ARHGAP28: variants seen among roughly 807,000 people sequenced by gnomAD.
ARHGAP28 encodes the protein Rho GTPase activating protein 28, also known as rho GTPase-activating protein 28.
In ARHGAP28, 56 loss-of-function variants were observed where a neutral mutation model predicts 90.7. The ratio of observed to expected loss-of-function variants is 0.62; its 90% CI spans 0.50 to 0.77. The LOEUF is 0.77. ARHGAP28 is among the 30% of genes least tolerant of loss of function. The pLI is 0.00. For missense variants in ARHGAP28, 869 were observed against 900.9 expected, an observed-to-expected ratio of 0.96 and a Z score of 0.45; for synonymous variants, 308 against 323.3, an observed-to-expected ratio of 0.95 and a Z score of 0.51.
intron 1 of ARHGAP28, among the ~76,000 whole-genome samples, chr18:6,772,863 C>G (rs1242308682): frequency 6.6e-6 from 1 of 152,092 alleles, no homozygotes; most frequent in East Asian, 1.9e-4. Flanking sequence ...GCCTCAGCCT[C>G]CCGAGTAGCT....
At chr18:6,872,590 T>C (rs2057098773) in intron 7 of ARHGAP28, among the ~76,000 whole-genome samples, 1 of 152,132 alleles carries the variant, frequency 6.6e-6, no homozygotes, top group Admixed American at 6.5e-5. Context: ...ACTTCAGCAT[T>C]TTTTTTCAAT....
intron 5 of ARHGAP28, among the ~76,000 whole-genome samples, chr18:6,863,665 A>G (rs1371637581): frequency 4.0e-5 from 6 of 151,708 alleles, no homozygotes; most frequent in Non-Finnish European, 7.4e-5. Context: ...GAACTATGAT[A>G]TAAACATATA....
chr18:6,816,956 G>T (rs1405615569), intron 1 of ARHGAP28, among the ~76,000 whole-genome samples: 1 of 151,956 alleles, frequency 6.6e-6, no homozygotes, highest in African/African-American at 2.4e-5. Flanking sequence ...CAGGTGTGGT[G>T]GTGCACACCT....
chr18:6,804,615 T>G (rs2056505365), intron 1 of ARHGAP28, among the ~76,000 whole-genome samples: 1 of 152,236 alleles, frequency 6.6e-6, no homozygotes, highest in African/African-American at 2.4e-5. Flanking sequence ...ATGGTACATT[T>G]TTAATACTTT....
At chr18:6,869,218 TAACAAGGG>T (rs1210437303) in intron 6 of ARHGAP28, among the ~76,000 whole-genome samples, 1 of 151,146 alleles carries the variant, frequency 6.6e-6, no homozygotes, top group Non-Finnish European at 1.5e-5. Flanking sequence ...AGCCCCTGTA[TAACAAGGG>T]AGCATCATAG....
At chr18:6,744,846 CTTTAT>C (rs1279325388) in intron 1 of ARHGAP28, among the ~76,000 whole-genome samples, 1 of 152,012 alleles carries the variant, frequency 6.6e-6, no homozygotes, top group Non-Finnish European at 1.5e-5. Flanking sequence ...TGCTATGGCA[CTTTAT>C]TTTATTTATG....
At chr18:6,835,161 C>T (rs1354428041) in intron 2 of ARHGAP28, among the ~76,000 whole-genome samples, 1 of 152,144 alleles carries the variant, frequency 6.6e-6, no homozygotes. Flanking sequence ...CCATCCTCAC[C>T]TCTGATTTAT....
In ARHGAP28 at chr18:6,798,654, AC is replaced by A. The variant is rs563666560; in HGVS notation, c.123-26105del. On this transcript the variant is annotated intron_variant, in intron 1 of 17. Transcript: ENST00000383472. ...AGCTAAGCAACAAGGATGCAGAGAC[AC>A]CCACAGTGATATAATGGACTTCGGG... 6.7e-4 allele frequency among the ~76,000 whole-genome samples: 102 copies of A among 152,294 alleles called. 1 individual carries two copies. In the Middle Eastern group the frequency reaches 0.017, roughly 25 times the overall value.
intron 14 of ARHGAP28, among the ~76,000 whole-genome samples, chr18:6,891,237 G>A (rs2057262870): frequency 6.6e-6 from 1 of 152,158 alleles, no homozygotes; most frequent in Admixed American, 6.5e-5. Flanking sequence ...GCTGTGCCAG[G>A]GCCATGCAGA....
rs1361236631 is a variant in ARHGAP28 at position 6,868,224 on chromosome 18, T to TGCGATAAGTGGTGA, written c.805_811+7dup. The TGCGATAAGTGGTGA allele has an allele frequency of 6.2e-7, 1 of 1,614,002 alleles. No homozygotes were observed. The highest frequency in any genetic ancestry group is 8.5e-7 in the Non-Finnish European group (1 of 1,179,970). On this transcript the variant is annotated frameshift_variant, in exon 6 of 18. Coordinates refer to ENST00000383472, the MANE Select transcript of ARHGAP28 (RefSeq NM_001366230.1). LOFTEE classifies it high-confidence loss of function. ...CGGAGCCTGGACAGCCAGTTCAGAA[T>TGCGATAAGTGGTGA]GCGATAAGTGGTGAGCGGCATGCCT...
chr18:6,852,150 C>G (rs1352021840), intron 4 of ARHGAP28, among the ~76,000 whole-genome samples: 1 of 152,184 alleles, frequency 6.6e-6, no homozygotes, highest in Admixed American at 6.5e-5. Flanking sequence ...CACTAAGCTA[C>G]TTACAATAAA....
intron 1 of ARHGAP28, among the ~76,000 whole-genome samples, chr18:6,760,455 A>G (rs1463228494): frequency 6.6e-6 from 1 of 152,232 alleles, no homozygotes; most frequent in Non-Finnish European, 1.5e-5. Context: ...ATGGACATAC[A>G]GTAAAATAAT....
rs143458206 is a variant in ARHGAP28, at chr18:6,876,267, A to T, written c.1290+59A>T. On this transcript the variant is annotated intron_variant, in intron 10 of 17. Transcript: ENST00000383472. Reference sequence around the variant, plus strand: ...TCTAAGCTAGCTAGACCCAGTTCACACAAGCATCGGGGATCCAGATATTTG... The same window carrying T: ...TCTAAGCTAGCTAGACCCAGTTCACTCAAGCATCGGGGATCCAGATATTTG... The T allele has an allele frequency of 3.3e-4, 426 of 1,276,400 alleles. 6 individuals carry two copies. The South Asian group carries it at 4.7e-3, about 14-fold the overall frequency. The allele number at this position is 1,276,400 out of a possible 1,614,324, so 79.1% of individuals were successfully genotyped here.
At chr18:6,782,480 C>T (rs1416664988) in intron 1 of ARHGAP28, among the ~76,000 whole-genome samples, 2 of 151,470 alleles carry the variant, frequency 1.3e-5, no homozygotes, top group South Asian at 4.2e-4. Flanking sequence ...TGCAGTGGCA[C>T]GATCTCGGCT....
At chr18:6,889,657 T>C (rs1199310980) in intron 12 of ARHGAP28, among the ~76,000 whole-genome samples, 2 of 152,188 alleles carry the variant, frequency 1.3e-5, no homozygotes, top group African/African-American at 4.8e-5. Context: ...GAAACTGCAA[T>C]ATAATAAAAT....
chr18:6,805,584 C>A (rs1381142712), intron 1 of ARHGAP28, among the ~76,000 whole-genome samples: 2 of 143,386 alleles, frequency 1.4e-5, no homozygotes, highest in Non-Finnish European at 3.0e-5. Flanking sequence ...CTCCCGGGTT[C>A]AAACGATTCT....
intron 1 of ARHGAP28, among the ~76,000 whole-genome samples, chr18:6,758,683 A>G (rs2056133720): frequency 6.6e-6 from 1 of 152,108 alleles, no homozygotes. Flanking sequence ...AGAAATACAA[A>G]TTGTCCAGTT....
At chr18:6,839,355 G>A (rs895446452) in intron 3 of ARHGAP28, among the ~76,000 whole-genome samples, 7 of 149,926 alleles carry the variant, frequency 4.7e-5, no homozygotes, top group African/African-American at 7.4e-5. Context: ...GTGCAGTGGC[G>A]CAATCTCGGC....
At chr18:6,747,918 G>T (rs958800645) in intron 1 of ARHGAP28, among the ~76,000 whole-genome samples, 8 of 152,184 alleles carry the variant, frequency 5.3e-5, no homozygotes, top group African/African-American at 1.9e-4. Context: ...TGCACCAAAG[G>T]CACATGGGGT....
Sources: gnomAD v4.1 joint callset for allele counts (sites outside exome capture counted in the v4.1 genomes callset) on GRCh38, gnomAD v4.1.1 for gene constraint, MANE v1.5 for transcripts, NCBI Gene and HGNC (gene_info 2026-07-23, HGNC 2026-07-21) for gene names.